Variants in XKR4 observed in about 807,000 individuals in gnomAD.
The protein encoded by XKR4 is XK related 4, also known as XK-related protein 4.
Under a neutral mutation model 53.9 loss-of-function variants are expected in XKR4, and 12 were observed. The observed-to-expected ratio is 0.22, with a 90% CI of 0.14 to 0.36. XKR4 has a LOEUF of 0.36. Ranked by LOEUF, XKR4 falls within the 10% of genes least tolerant of loss-of-function variation. The pLI, the probability that XKR4 is intolerant of heterozygous loss-of-function variation, is 1.00. For synonymous variants in XKR4, 354 were observed against 362.4 expected (o/e 0.98, Z 0.26); for missense variants, 799 against 859.5 (o/e 0.93, Z 0.88).
At chr8:55,453,404 T>G in intron 2 of XKR4, 1 of 427,298 alleles carries the variant, frequency 2.3e-6, no homozygotes, top group Non-Finnish European at 4.8e-6. Context: ...AGCTCACCAC[T>G]TCAGGGCCCT....
At chr8:55,462,393 G>A (rs1046988862) in intron 2 of XKR4, among the ~76,000 whole-genome samples, 19 of 152,098 alleles carry the variant, frequency 1.2e-4, no homozygotes, top group African/African-American at 4.6e-4. Flanking sequence ...AAGTGAAGGA[G>A]AAATAAAATA....
At chr8:55,413,741 G>A (rs985917452) in intron 2 of XKR4, among the ~76,000 whole-genome samples, 2 of 152,118 alleles carry the variant, frequency 1.3e-5, no homozygotes, top group African/African-American at 4.8e-5. Context: ...CGATATTGAT[G>A]TAGCTCAGGC....
intron 1 of XKR4, among the ~76,000 whole-genome samples, chr8:55,271,905 G>A (rs1420452600): frequency 6.6e-6 from 1 of 152,314 alleles, no homozygotes; most frequent in African/African-American, 2.4e-5. Context: ...TTCCTGGGTT[G>A]CTTATTGTAT....
intron 1 of XKR4, among the ~76,000 whole-genome samples, chr8:55,262,220 A>T (rs968658401): frequency 6.6e-6 from 1 of 152,264 alleles, no homozygotes; most frequent in Non-Finnish European, 1.5e-5. Context: ...TTTATTAAGT[A>T]CCTTCTGTGA....
intron 2 of XKR4, among the ~76,000 whole-genome samples, chr8:55,387,924 G>T (rs947403125): frequency 6.6e-6 from 1 of 152,216 alleles, no homozygotes; most frequent in Non-Finnish European, 1.5e-5. Flanking sequence ...TGAGCAGGTC[G>T]TGACTTAAGT....
chr8:55,249,891 G>A (rs1818341345), intron 1 of XKR4, among the ~76,000 whole-genome samples: 1 of 152,124 alleles, frequency 6.6e-6, no homozygotes, highest in Non-Finnish European at 1.5e-5. Flanking sequence ...TTGATTTGCG[G>A]TACTCTAATG....
intron 1 of XKR4, among the ~76,000 whole-genome samples, chr8:55,246,552 G>A (rs1425648385): frequency 6.6e-6 from 1 of 152,166 alleles, no homozygotes; most frequent in Non-Finnish European, 1.5e-5. Flanking sequence ...CTAAGCCCTT[G>A]AAAATCTCTC....
chr8:55,522,275 A>G (rs1806808554), intron 2 of XKR4, among the ~76,000 whole-genome samples: 1 of 152,210 alleles, frequency 6.6e-6, no homozygotes, highest in African/African-American at 2.4e-5. Flanking sequence ...AAAATGATAA[A>G]ATAAGAGGAG....
intron 2 of XKR4, among the ~76,000 whole-genome samples, chr8:55,522,509 T>C (rs1357486685): frequency 2.6e-5 from 4 of 152,192 alleles, no homozygotes; most frequent in African/African-American, 7.2e-5. Flanking sequence ...GCATAAACTG[T>C]CTTTTGTGAA....
At chr8:55,324,802 G>C (rs181383339) in intron 1 of XKR4, among the ~76,000 whole-genome samples, 5 of 152,284 alleles carry the variant, frequency 3.3e-5, no homozygotes, top group Non-Finnish European at 1.5e-5. Context: ...TCAGCACCAG[G>C]TTTCAAACTC....
intron 1 of XKR4, among the ~76,000 whole-genome samples, chr8:55,115,819 C>G (rs1192618839): frequency 1.3e-5 from 2 of 152,146 alleles, no homozygotes; most frequent in African/African-American, 4.8e-5. Flanking sequence ...TTTTATGTTG[C>G]AGAACCAATC....
intron 2 of XKR4, among the ~76,000 whole-genome samples, chr8:55,434,756 G>C (rs962872505): frequency 6.6e-6 from 1 of 152,200 alleles, no homozygotes; most frequent in Non-Finnish European, 1.5e-5. Context: ...CGACTTTGCT[G>C]CTTTTTTATT....
At chr8:55,357,901 T>G (rs1313392996) in intron 2 of XKR4, 24 bp downstream of exon 2, 4 of 1,597,526 alleles carry the variant, frequency 2.5e-6, no homozygotes, top group Admixed American at 1.7e-5. Context: ...ATTTGGTTTC[T>G]GAATTTGGGG....
At chr8:55,436,567 G>A (rs902161991) in intron 2 of XKR4, among the ~76,000 whole-genome samples, 2 of 152,162 alleles carry the variant, frequency 1.3e-5, no homozygotes, top group East Asian at 3.9e-4. Context: ...CTTGGGCCAT[G>A]CTTTTTCTTA....
intron 1 of XKR4, among the ~76,000 whole-genome samples, chr8:55,226,018 G>A (rs1210953985): frequency 6.6e-6 from 1 of 152,138 alleles, no homozygotes. Flanking sequence ...CCTGACCAGG[G>A]TGCCCACTTT....
intron 1 of XKR4, among the ~76,000 whole-genome samples, chr8:55,217,080 A>C (rs899747775): frequency 3.3e-5 from 5 of 151,762 alleles, no homozygotes; most frequent in African/African-American, 4.8e-5. Context: ...GTCTCTATTG[A>C]AAATACAAAA....
intron 2 of XKR4, among the ~76,000 whole-genome samples, chr8:55,358,751 C>T (rs1362472710): frequency 6.6e-6 from 1 of 152,188 alleles, no homozygotes; most frequent in East Asian, 1.9e-4. Flanking sequence ...TTGTAAGGTG[C>T]TCGTTTTGTT....
chr8:55,106,373 A>T lies in XKR4; in HGVS notation c.806+3079A>T, dbSNP rs185946451. Among the ~76,000 whole-genome samples the T allele has an allele frequency of 1.3e-3, 197 of 152,308 alleles. 1 individual carries two copies. The highest frequency in any genetic ancestry group is 4.6e-3 in the African/African-American group (192 of 41,582). On this transcript the variant is annotated intron_variant, in intron 1 of 2. Coordinates refer to ENST00000327381, the MANE Select transcript of XKR4 (RefSeq NM_052898.2). Reference sequence around the variant, plus strand: ...AATTAAAGTTTACTAATGGGAAATTAATGGCAGCTTTTAAAGTCGCAGGAG... The same window carrying T: ...AATTAAAGTTTACTAATGGGAAATTTATGGCAGCTTTTAAAGTCGCAGGAG...
At position 55,537,486 on chromosome 8, in the gene XKR4, C is replaced by T. The variant is rs187269221; in HGVS notation, c.*13259C>T. ...TTCAGACCAGTTTTCTTTAAGAGCACTTATGTTGCAGAACATGATACAAAT... is the reference window on the plus strand; with the variant it reads ...TTCAGACCAGTTTTCTTTAAGAGCATTTATGTTGCAGAACATGATACAAAT... On this transcript the variant is annotated 3_prime_UTR_variant, in exon 3 of 3. Transcript: ENST00000327381. 3 of 152,324 alleles carry T rather than the reference C, an allele frequency of 2.0e-5. No individual in the cohort carries two copies. The highest frequency in any genetic ancestry group is 4.4e-5 in the Non-Finnish European group (3 of 68,036). 9.4% of individuals were successfully genotyped at this position (152,324 alleles called of 1,614,324 possible). A position where few individuals can be genotyped will look rare whatever the true frequency, so the allele number is the denominator to read the frequency against.
Sources: allele counts gnomAD v4.1 joint callset (sites outside exome capture counted in the v4.1 genomes callset), GRCh38; gene constraint gnomAD v4.1.1; transcripts MANE v1.5; gene names NCBI Gene and HGNC (gene_info 2026-07-23, HGNC 2026-07-21).